POLQ: variants seen among roughly 807,000 people sequenced by gnomAD.
POLQ encodes the protein epididymis secretory sperm binding protein.
Under a neutral mutation model 259.2 loss-of-function variants are expected in POLQ, and 233 were observed. The ratio of observed to expected loss-of-function variants is 0.90; its 90% confidence interval spans 0.81 to 1.00. The LOEUF (loss-of-function observed/expected upper bound fraction) is 1.00. Among genes scored for constraint, POLQ ranks in the 50% least tolerant of loss-of-function variants. POLQ has a pLI of 0.00. For synonymous variants in POLQ, 1,025 were observed against 1,048.8 expected, an observed-to-expected ratio of 0.98 and a Z score of 0.44; for missense variants, 2,871 against 3,051.6, an observed-to-expected ratio of 0.94 and a Z score of 1.39.
Position 121,467,543 on chromosome 3 carries a change from G to T in POLQ, c.6943C>A (p.Arg2315=). The part of the protein sequence containing the change: ...DRGMPFSISM[R]HAFVPFPGGS... ...CCTGGGAAAGGCACAAAGGCATGTC[G>T]CATGCTAATTGAAAATGGCATTCCT... Residue 2315 remains arginine, a synonymous_variant, in exon 24 of 30, where the codon CGA becomes AGA. Transcript: ENST00000264233. 3.7e-6 allele frequency: 6 copies of T among 1,613,794 alleles called. No individual in the cohort carries two copies. The highest frequency in any genetic ancestry group is 5.1e-6 in the Non-Finnish European group (6 of 1,179,768).
chr3:121,457,817 G>A (rs1223144782), intron 25 of POLQ, among the ~76,000 whole-genome samples: 5 of 152,160 alleles, frequency 3.3e-5, no homozygotes, highest in African/African-American at 4.8e-5. Context: ...CATTGTGGAA[G>A]TCAGTGTGGC....
At chr3:121,536,292 G>C (rs763363236) in intron 5 of POLQ, among the ~76,000 whole-genome samples, 1 of 152,058 alleles carries the variant, frequency 6.6e-6, no homozygotes, top group African/African-American at 2.4e-5. Flanking sequence ...GAAGGGAGAA[G>C]ATTGGGTAGT....
At position 121,489,799 on chromosome 3, in the gene POLQ, A is replaced by T; in HGVS notation, c.3132T>A (p.Arg1044=). The T allele has an allele frequency of 6.2e-7, 1 of 1,612,878 alleles. No individual in the cohort carries two copies. Among genetic ancestry groups the T allele is most frequent in the Non-Finnish European group, 8.5e-7 (1 of 1,179,834 alleles). The change falls in exon 16 of 30, where the codon CGT becomes CGA. Residue 1044 remains arginine, a synonymous_variant. Transcript: ENST00000264233. ...CCCTAGATCGCTTTAGATGCTTTCT[A>T]CGTTTCCAAGATCGAAAACTTCTGC... ...KMSRSFRSWK[R]RKHLKRSRDS...
intron 15 of POLQ, 69 bp from the exon 16 acceptor site, chr3:121,490,477 G>A (rs2048059501): frequency 5.6e-6 from 7 of 1,249,664 alleles, no homozygotes; most frequent in Non-Finnish European, 8.0e-6. Context: ...TATTAAACAT[G>A]CAATCTGAGC....
Position 121,489,065 on chromosome 3 carries a change from G to A in POLQ, c.3866C>T (p.Ser1289Phe), listed in dbSNP as rs1237042966. 6 of 1,613,148 alleles carry A rather than the reference G, an allele frequency of 3.7e-6. No homozygotes were observed. In the Admixed American group the frequency reaches 1.0e-4, roughly 27 times the overall value. The change falls in exon 16 of 30, where the codon TCT becomes TTT. Residue 1289 changes from serine to phenylalanine, a missense_variant. Around this residue, in one of 3 missense-constraint regions of POLQ, gnomAD observed 2,080 missense variants for 2,126.0 expected, o/e 0.98. Coordinates refer to ENST00000264233, the MANE Select transcript of POLQ (RefSeq NM_199420.4). Reference sequence around the variant, plus strand: ...AGTACCTGTTTTTTCTTGTAGTCTAGAAATATTTAGAAAATTCTCATGCTG... The same window carrying A: ...AGTACCTGTTTTTTCTTGTAGTCTAAAAATATTTAGAAAATTCTCATGCTG... ...EGQHENFLNI[S>F]RLQEKTGTYT...
intron 3 of POLQ, among the ~76,000 whole-genome samples, 180 bp downstream of exon 3, chr3:121,541,169 C>A (rs891877288): frequency 3.3e-5 from 5 of 152,220 alleles, no homozygotes; most frequent in Admixed American, 6.5e-5. Flanking sequence ...GCGTGAGCTA[C>A]CACACCCAGC....
chr3:121,488,131 CTCA>C lies in POLQ; in HGVS notation c.4797_4799del (p.Asp1599del). 6.2e-7 allele frequency: 1 copy of C among 1,612,574 alleles called. No homozygotes were observed. Among genetic ancestry groups the C allele is most frequent in the South Asian group, 1.1e-5 (1 of 90,856 alleles). On this transcript the variant is annotated inframe_deletion, in exon 16 of 30. Transcript: ENST00000264233. The stretch of plus-strand genomic sequence containing the variant: ...CTCCATCTTGATCACCTTGGTGGTG[CTCA>C]TCAAGTACTGGATCACTTAGTTCTA...
intron 25 of POLQ, among the ~76,000 whole-genome samples, chr3:121,450,374 A>T (rs1263644489): frequency 4.8e-5 from 7 of 147,056 alleles, no homozygotes; most frequent in African/African-American, 1.3e-4. Context: ...TTATTTATTT[A>T]TTTTTTTTAT....
At chr3:121,545,416 G>A (rs1201893470) in intron 1 of POLQ, among the ~76,000 whole-genome samples, 1 of 152,168 alleles carries the variant, frequency 6.6e-6, no homozygotes, top group Non-Finnish European at 1.5e-5. Context: ...AAGGAGTACT[G>A]GGTACTACCA....
intron 3 of POLQ, 39 bp from the exon 4 acceptor site, chr3:121,539,628 T>C (rs2048476524): frequency 3.2e-6 from 5 of 1,541,486 alleles, no homozygotes; most frequent in Non-Finnish European, 4.5e-6. Context: ...GTGAAAAAAC[T>C]TGAAATTCAA....
Position 121,436,121 on chromosome 3 carries a change from C to A in POLQ, c.7543+1G>T, listed in dbSNP as rs748100791. Reference sequence around the variant, plus strand: ...AGCACAGGCCTCATCTATGAACAAACCTGTTTGGTCACTTTGGAGCATACC... The same window carrying A: ...AGCACAGGCCTCATCTATGAACAAAACTGTTTGGTCACTTTGGAGCATACC... On this transcript the variant is annotated splice_donor_variant, in intron 28 of 29. Transcript: ENST00000264233. LOFTEE classifies it high-confidence loss of function. The A allele has an allele frequency of 1.1e-5, 17 of 1,612,432 alleles. No homozygotes were observed. The highest frequency in any genetic ancestry group is 1.3e-5 in the Non-Finnish European group (15 of 1,178,588).
At chr3:121,518,454 G>GA (rs1421336095) in intron 9 of POLQ, among the ~76,000 whole-genome samples, 1 of 152,184 alleles carries the variant, frequency 6.6e-6, no homozygotes, top group Non-Finnish European at 1.5e-5. Context: ...CCACAGCAGG[G>GA]AAAGTGTGCT....
chr3:121,482,764 A>G (rs2047981083), intron 18 of POLQ, among the ~76,000 whole-genome samples: 1 of 152,066 alleles, frequency 6.6e-6, no homozygotes, highest in African/African-American at 2.4e-5. Flanking sequence ...CATAATTCTG[A>G]CAATTACTTT....
chr3:121,479,026 A>G (rs2047949745), intron 19 of POLQ, among the ~76,000 whole-genome samples: 1 of 152,230 alleles, frequency 6.6e-6, no homozygotes, highest in South Asian at 2.1e-4. Context: ...GGTTTTAGAT[A>G]ATGAATCGTT....
chr3:121,494,622 C>T (rs2108801162), intron 14 of POLQ: 3 of 1,507,858 alleles, frequency 2.0e-6, no homozygotes, highest in South Asian at 1.2e-5. Flanking sequence ...TTCTTGCCTG[C>T]CCTGTGTCGT....
In POLQ at chr3:121,545,916, C is replaced by G. The variant is rs759948225; in HGVS notation, c.-39G>C. On this transcript the variant is annotated 5_prime_UTR_variant, in exon 1 of 30. Transcript: ENST00000264233. ...CGGCCGATCAGGGCAAGCCACAGTC[C>G]CAGCGTCCTCCCTCTCGGGAGAACC... The G allele has an allele frequency of 6.2e-7, 1 of 1,610,862 alleles. No individual in the cohort carries two copies. The highest frequency in any genetic ancestry group is 1.1e-5 in the South Asian group (1 of 90,642).
chr3:121,487,850 G>T lies in POLQ; in HGVS notation c.5081C>A (p.Ser1694Ter), dbSNP rs770476431. Residue 1694 changes from serine to a stop codon, truncating the protein, a stop_gained, in exon 16 of 30, where the codon TCA (serine) becomes TAA (stop). Coordinates refer to ENST00000264233, the MANE Select transcript of POLQ (RefSeq NM_199420.4). LOFTEE classifies it high-confidence loss of function. ...TTTTACTTCATTATTAGAAGAAAAT[G>T]AAATTCCCTGCACTTGTTTTGTCTC... ...NLETKQVQGISFSSNNEVKSK... is the reference protein window; with the variant it reads ...NLETKQVQGI 4.3e-6 allele frequency: 7 copies of T among 1,610,356 alleles called. No individual in the cohort carries two copies. In the East Asian group the frequency reaches 1.1e-4, roughly 26 times the overall value.
chr3:121,486,241 T>A (rs1297704153), intron 16 of POLQ, among the ~76,000 whole-genome samples: 1 of 152,194 alleles, frequency 6.6e-6, no homozygotes, highest in African/African-American at 2.4e-5. Context: ...AACAAGGATA[T>A]TACAATTTAA....
intron 26 of POLQ, among the ~76,000 whole-genome samples, chr3:121,446,920 CT>C (rs1369354555): frequency 3.9e-5 from 6 of 151,914 alleles, no homozygotes; most frequent in Admixed American, 6.6e-5. Context: ...CACTCTATGT[CT>C]TTTTATTGGA....
Sources: allele counts gnomAD v4.1 joint callset (sites outside exome capture counted in the v4.1 genomes callset), GRCh38; gene constraint gnomAD v4.1.1; regional missense constraint gnomAD v4.1.1; transcripts MANE v1.5; gene names NCBI Gene and HGNC (gene_info 2026-07-23, HGNC 2026-07-21).